Variants in CRTC3 observed in about 807,000 individuals in gnomAD.
CRTC3 encodes the protein CREB-regulated transcription coactivator 3.
A neutral mutation model predicts 74.5 loss-of-function variants in CRTC3; 26 were observed. The observed-to-expected ratio is 0.35, with a 90% CI of 0.26 to 0.48. CRTC3 has a LOEUF of 0.48. Among genes scored for constraint, CRTC3 ranks in the 20% least tolerant of loss-of-function variants. CRTC3 has a pLI of 0.99. For missense variants in CRTC3, 760 were observed against 787.3 expected (o/e 0.97, Z 0.41); for synonymous variants, 377 against 325.8 (o/e 1.16, Z -1.69).
chr15:90,605,597 C>A (rs889835923), intron 5 of CRTC3, among the ~76,000 whole-genome samples: 5 of 35,196 alleles, frequency 1.4e-4, no homozygotes, highest in Admixed American at 7.2e-4. Flanking sequence ...TCTCTTGAGT[C>A]TCTTTGAATC....
chr15:90,627,785 C>CTAATTTTTTTTG (rs71154117), intron 10 of CRTC3, among the ~76,000 whole-genome samples: 28,777 of 147,716 alleles, frequency 0.19, 2,994 homozygotes, highest in African/African-American at 0.26. Flanking sequence ...CCACGCCCGG[C>CTAATTTTTTTTG]TAATTTTTTT....
chr15:90,585,074 C>T (rs1967629197), intron 2 of CRTC3, among the ~76,000 whole-genome samples: 2 of 152,128 alleles, frequency 1.3e-5, no homozygotes, highest in South Asian at 4.1e-4. Flanking sequence ...AGACTGTTAA[C>T]CTGTAATTGA....
intron 9 of CRTC3, among the ~76,000 whole-genome samples, chr15:90,625,470 G>T (rs1395276280): frequency 6.6e-6 from 1 of 152,184 alleles, no homozygotes; most frequent in East Asian, 1.9e-4. Context: ...AAATAGCAGT[G>T]CCTCACATTT....
intron 10 of CRTC3, among the ~76,000 whole-genome samples, chr15:90,626,834 C>T (rs1024242110): frequency 4.6e-5 from 7 of 152,126 alleles, no homozygotes; most frequent in Non-Finnish European, 8.8e-5. Context: ...AGGCTGGTCT[C>T]GAACTCCTGA....
chr15:90,551,019 C>T (rs1018383434), intron 2 of CRTC3, among the ~76,000 whole-genome samples: 1 of 152,144 alleles, frequency 6.6e-6, no homozygotes, highest in Non-Finnish European at 1.5e-5. Context: ...AAGCACCGAT[C>T]TGTCCTCTAC....
Position 90,643,492 on chromosome 15 carries a change from C to A in CRTC3, c.*1352C>A, listed in dbSNP as rs1385874834. The A allele has an allele frequency of 8.7e-6, 2 of 229,552 alleles. No homozygotes were observed. The highest frequency in any genetic ancestry group is 1.2e-4 in the East Asian group (2 of 16,170). The allele number at this position is 229,552 out of a possible 1,614,324, so 14.2% of individuals were successfully genotyped here. ...TGCCCTGAGCATCCTGGCTGGGCCC[C>A]ACCCAGGAAGATCTTCCTTCTCAGA... On this transcript the variant is annotated 3_prime_UTR_variant, in exon 15 of 15. Transcript: ENST00000268184.
intron 2 of CRTC3, among the ~76,000 whole-genome samples, chr15:90,565,617 G>T (rs1809581938): frequency 6.6e-6 from 1 of 152,162 alleles, no homozygotes; most frequent in Admixed American, 6.5e-5. Flanking sequence ...TTTTTCAATG[G>T]CATGTGGCTC....
chr15:90,539,023 A>G (rs1169760059), intron 1 of CRTC3, among the ~76,000 whole-genome samples: 1 of 152,208 alleles, frequency 6.6e-6, no homozygotes, highest in Non-Finnish European at 1.5e-5. Flanking sequence ...GTCCGAGAAC[A>G]GCACCTGGCC....
chr15:90,618,079 A>G, intron 8 of CRTC3, 111 bp downstream of exon 8: 1 of 672,328 alleles, frequency 1.5e-6, no homozygotes, highest in East Asian at 2.7e-5. Context: ...AAAGGAGAAG[A>G]TTTGTCTGAG....
chr15:90,631,726 C>CAAAA (rs71463748), intron 11 of CRTC3, among the ~76,000 whole-genome samples: 4 of 110,078 alleles, frequency 3.6e-5, no homozygotes, highest in East Asian at 5.0e-4. Flanking sequence ...TACTCTGTCT[C>CAAAA]AAAAAAAAAA....
chr15:90,645,240 A>C lies in CRTC3; in HGVS notation c.*3100A>C, dbSNP rs1172099591. 8.8e-6 allele frequency: 2 copies of C among 226,670 alleles called. No individual in the cohort carries two copies. Among genetic ancestry groups the C allele is most frequent in the Non-Finnish European group, 1.8e-5 (2 of 113,806 alleles). 14.0% of individuals were successfully genotyped at this position (226,670 alleles called of 1,614,324 possible). On this transcript the variant is annotated 3_prime_UTR_variant, in exon 15 of 15. Coordinates refer to ENST00000268184, the MANE Select transcript of CRTC3 (RefSeq NM_022769.5). ...TCCTAACCCCCAGGGCACCCTGTTC[A>C]ACCATATTTAAAAATTGGAATTTGT...
chr15:90,600,560 T>C (rs1000027365), intron 3 of CRTC3: 2 of 152,218 alleles, frequency 1.3e-5, no homozygotes, highest in Non-Finnish European at 2.9e-5. Context: ...TGACCCCTGA[T>C]CCACCAGGCG....
intron 1 of CRTC3, among the ~76,000 whole-genome samples, chr15:90,532,058 T>C (rs1193034870): frequency 1.3e-5 from 2 of 152,176 alleles, no homozygotes; most frequent in Non-Finnish European, 2.9e-5. Context: ...GATAATTCAG[T>C]CACCACTTTA....
Position 90,642,217 on chromosome 15 carries a change from C to A in CRTC3, c.*77C>A. On this transcript the variant is annotated 3_prime_UTR_variant, in exon 15 of 15. Transcript: ENST00000268184. ...TGGAATAGAATGAAGCCAGCTGATA[C>A]CACGGGCTTTCGTTATCTTGACATA... The A allele has an allele frequency of 7.9e-7, 1 of 1,271,266 alleles. No homozygotes were observed. The highest frequency in any genetic ancestry group is 1.1e-6 in the Non-Finnish European group (1 of 885,450). 78.7% of individuals were successfully genotyped at this position (1,271,266 alleles called of 1,614,324 possible). A position where few individuals can be genotyped will look rare whatever the true frequency, so the allele number is the denominator to read the frequency against.
chr15:90,602,137 A>T (rs1481101576), intron 3 of CRTC3, among the ~76,000 whole-genome samples, 187 bp from the exon 4 acceptor site: 1 of 152,200 alleles, frequency 6.6e-6, no homozygotes, highest in Non-Finnish European at 1.5e-5. Context: ...CAAAGAAAAC[A>T]CCGGTTAGAA....
chr15:90,643,050 A>T lies in CRTC3; in HGVS notation c.*910A>T. On this transcript the variant is annotated 3_prime_UTR_variant, in exon 15 of 15. Coordinates refer to ENST00000268184, the MANE Select transcript of CRTC3 (RefSeq NM_022769.5). ...CAACTGAGCTTCCCCATCCCTCCCCAGAGCTGTGTCTCTGTGGGCTGGGAG... is the reference window on the plus strand; with the variant it reads ...CAACTGAGCTTCCCCATCCCTCCCCTGAGCTGTGTCTCTGTGGGCTGGGAG... 4.3e-6 allele frequency: 1 copy of T among 232,094 alleles called. No individual in the cohort carries two copies. The highest frequency in any genetic ancestry group is 6.1e-5 in the East Asian group (1 of 16,436). The allele number at this position is 232,094 out of a possible 1,614,324, so 14.4% of individuals were successfully genotyped here.
chr15:90,573,556 T>G (rs1433021186), intron 2 of CRTC3, among the ~76,000 whole-genome samples: 1 of 151,668 alleles, frequency 6.6e-6, no homozygotes, highest in Non-Finnish European at 1.5e-5. Flanking sequence ...GGTTCCCATT[T>G]TTTTTTTCCT....
At chr15:90,539,471 A>G (rs1966769592) in intron 1 of CRTC3, 1 of 152,368 alleles carries the variant, frequency 6.6e-6, no homozygotes, top group Non-Finnish European at 1.5e-5. Flanking sequence ...AGAGCCACCA[A>G]AAGGCCCATA....
At chr15:90,539,851 C>G (rs1179705463) in intron 1 of CRTC3, 188 bp from the exon 2 acceptor site, 20 of 578,014 alleles carry the variant, frequency 3.5e-5, no homozygotes, top group East Asian at 6.1e-5. Flanking sequence ...TGGGTAAGCT[C>G]TTTCCGAAAA....
Sources: gnomAD v4.1 joint callset for allele counts (sites outside exome capture counted in the v4.1 genomes callset) on GRCh38, gnomAD v4.1.1 for gene constraint, MANE v1.5 for transcripts, NCBI Gene and HGNC (gene_info 2026-07-23, HGNC 2026-07-21) for gene names.